Variants in KATNB1 observed in about 807,000 individuals in gnomAD.
KATNB1 encodes the protein katanin p80 WD40 repeat-containing subunit B1.
KATNB1 carries 38 observed loss-of-function variants against 82.3 expected under a neutral mutation model. The ratio of observed to expected loss-of-function variants is 0.46; its 90% CI spans 0.36 to 0.61. KATNB1 has a LOEUF of 0.61. Ranked by LOEUF, KATNB1 falls within the 20% of genes least tolerant of loss-of-function variation. The pLI, the probability that KATNB1 is intolerant of heterozygous loss-of-function variation, is 0.00. For missense variants in KATNB1, 749 were observed against 915.7 expected (o/e 0.82, Z 2.35); for synonymous variants, 361 against 368.7 (o/e 0.98, Z 0.24).
Position 57,751,341 on chromosome 16 carries a change from G to A in KATNB1, c.432+39G>A. 1 of 1,598,988 alleles carries A rather than the reference G, an allele frequency of 6.3e-7. No individual in the cohort carries two copies. On this transcript the variant is annotated intron_variant, in intron 6 of 19. Coordinates refer to ENST00000379661, the MANE Select transcript of KATNB1 (RefSeq NM_005886.3). The surrounding 1 kb of genome is among the most constrained non-coding windows in gnomAD (Gnocchi z 6.3). ...CTGTCGGTGACTCCATGAGCACCTTGCGGGCATTGAGTGTGGTGTGGTGCC... is the reference window on the plus strand; with the variant it reads ...CTGTCGGTGACTCCATGAGCACCTTACGGGCATTGAGTGTGGTGTGGTGCC...
intron 13 of KATNB1, 87 bp from the exon 14 acceptor site, chr16:57,754,843 G>A: frequency 7.3e-7 from 1 of 1,374,740 alleles, no homozygotes; most frequent in South Asian, 1.2e-5. Flanking sequence ...CCCCATTGCA[G>A]ATGCTGCCCA....
Position 57,756,860 on chromosome 16 carries a change from G to A in KATNB1, c.1882G>A (p.Gly628Ser), listed in dbSNP as rs781942358. The A allele has an allele frequency of 4.4e-5, 69 of 1,572,242 alleles. No homozygotes were observed. In the South Asian group the frequency reaches 5.1e-4, roughly 12 times the overall value. Reference sequence around the variant, plus strand: ...CTACAAGCAGCTTAAGAGCATCAGCGGCCTGGTCAAGAGCAAGTCAGGCCT... The same window carrying A: ...CTACAAGCAGCTTAAGAGCATCAGCAGCCTGGTCAAGAGCAAGTCAGGCCT... The part of the protein sequence containing the change: ...LCYKQLKSIS[G>S]LVKSKSGLSG... Residue 628 changes from glycine to serine, a missense_variant, in exon 20 of 20, where the codon GGC (glycine) becomes AGC (serine). Physicochemically the swap from Gly to Ser is moderately conservative, Grantham distance 56. Coordinates refer to ENST00000379661, the MANE Select transcript of KATNB1 (RefSeq NM_005886.3).
chr16:57,751,515 C>A lies in KATNB1; in HGVS notation c.433-126C>A. 1 of 1,040,346 alleles carries A rather than the reference C, an allele frequency of 9.6e-7. No homozygotes were observed. Among genetic ancestry groups the A allele is most frequent in the Non-Finnish European group, 1.5e-6 (1 of 679,326 alleles). 64.4% of individuals were successfully genotyped at this position (1,040,346 alleles called of 1,614,324 possible). ...CCCTAGAGCCACGTTCATCAAACTG[C>A]TCCAAGCAGAACCAGGCGGGTAACC... On this transcript the variant is annotated intron_variant, in intron 6 of 19. Transcript: ENST00000379661. This position sits in a 1 kb window ranked among gnomAD's most constrained non-coding sequence, Gnocchi z 6.3.
chr16:57,755,091 C>CGGCA lies in KATNB1; in HGVS notation c.1297-27_1297-24dup, dbSNP rs782629123. 12 of 1,612,948 alleles carry CGGCA rather than the reference C, an allele frequency of 7.4e-6. No individual in the cohort carries two copies. In the Admixed American group the frequency reaches 2.0e-4, roughly 27 times the overall value. Reference sequence around the variant, plus strand: ...GGAGGCAGAGAGGGAGGCCCCAGGCCGGCAACCGCTGAGTTTCACACTTTC... The same window carrying CGGCA: ...GGAGGCAGAGAGGGAGGCCCCAGGCCGGCAGGCAACCGCTGAGTTTCACACTTTC... On this transcript the variant is annotated intron_variant, in intron 14 of 19. Transcript: ENST00000379661.
chr16:57,736,857 G>T, intron 1 of KATNB1, 121 bp from the exon 2 acceptor site: 1 of 453,126 alleles, frequency 2.2e-6, no homozygotes, highest in Non-Finnish European at 4.4e-6. Flanking sequence ...TTGCAGTGCA[G>T]CTTCTGACTC....
At chr16:57,745,477 C>T (rs568398892) in intron 4 of KATNB1, among the ~76,000 whole-genome samples, 1 of 151,798 alleles carries the variant, frequency 6.6e-6, no homozygotes, top group East Asian at 1.9e-4. Context: ...GCAGGAGAAT[C>T]ACCTGAACCC....
At position 57,755,530 on chromosome 16, in the gene KATNB1, CCCCCTG is replaced by C. The variant is rs782096641; in HGVS notation, c.1566+45_1566+50del. ...ACCCTTGCACAGGGCCTCATCTCGCCCCCCTGCCCCTGCCACCTGCCTGCCCGGGCT... is the reference window on the plus strand; with the variant it reads ...ACCCTTGCACAGGGCCTCATCTCGCCCCCCTGCCACCTGCCTGCCCGGGCT... On this transcript the variant is annotated intron_variant, in intron 16 of 19. Transcript: ENST00000379661. The C allele has an allele frequency of 4.7e-5, 75 of 1,593,792 alleles. 1 individual carries two copies. The South Asian group carries it at 6.7e-4, about 14-fold the overall frequency.
intron 1 of KATNB1, 60 bp from the exon 2 acceptor site, chr16:57,736,918 G>T (rs898419934): frequency 1.7e-6 from 1 of 595,424 alleles, no homozygotes; most frequent in African/African-American, 1.8e-5. Context: ...GGTGATCCAG[G>T]GAGCAACAGC....
At chr16:57,738,460 TG>T (rs1299957905) in intron 2 of KATNB1, among the ~76,000 whole-genome samples, 1 of 152,028 alleles carries the variant, frequency 6.6e-6, no homozygotes, top group African/African-American at 2.4e-5. Context: ...TTCACCATGT[TG>T]GCCAGACTCG....
Position 57,751,696 on chromosome 16 carries a change from C to T in KATNB1, c.488C>T (p.Ala163Val), listed in dbSNP as rs782526194. Reference protein sequence around the residue: ...LRFSPDGKWLASAADDHTVKL... With the variant: ...LRFSPDGKWLVSAADDHTVKL... ...TTCAGCCCCGATGGGAAGTGGTTGGCGTCGGCCGCAGATGACCACACCGTG... is the reference window on the plus strand; with the variant it reads ...TTCAGCCCCGATGGGAAGTGGTTGGTGTCGGCCGCAGATGACCACACCGTG... Residue 163 changes from alanine (A) to valine (V), a missense_variant, in exon 7 of 20, where the codon GCG becomes GTG. Physicochemically the swap from Ala to Val is moderately conservative, Grantham distance 64. Around this residue, in one of 3 missense-constraint regions of KATNB1, gnomAD observed 247 missense variants for 349.4 expected, o/e 0.71. Coordinates refer to ENST00000379661, the MANE Select transcript of KATNB1 (RefSeq NM_005886.3). This position sits in a 1 kb window ranked among gnomAD's most constrained non-coding sequence, Gnocchi z 6.3. 3.7e-5 allele frequency: 60 copies of T among 1,610,698 alleles called. No individual in the cohort carries two copies. The highest frequency in any genetic ancestry group is 4.8e-5 in the Non-Finnish European group (57 of 1,180,002).
chr16:57,748,565 G>GCGT (rs2049200636), intron 4 of KATNB1, among the ~76,000 whole-genome samples: 2 of 152,064 alleles, frequency 1.3e-5, no homozygotes, highest in African/African-American at 4.8e-5. Context: ...GGCTGAGGAG[G>GCGT]TGCTCAGCTG....
chr16:57,754,432 G>A (rs2049258792), intron 13 of KATNB1, among the ~76,000 whole-genome samples: 1 of 152,202 alleles, frequency 6.6e-6, no homozygotes, highest in Non-Finnish European at 1.5e-5. Flanking sequence ...GAGGAGGTGA[G>A]CTGGGGCGAG....
chr16:57,756,331 T>C, intron 18 of KATNB1, 25 bp from the exon 19 acceptor site: 1 of 1,595,732 alleles, frequency 6.3e-7, no homozygotes, highest in South Asian at 1.1e-5. Context: ...GGTCCATCTG[T>C]GACTTCATCC....
Position 57,756,067 on chromosome 16 carries a change from G to A in KATNB1, c.1718+1G>A, listed in dbSNP as rs1555586153. ...AGCTTCTGCAGAGCAAGTATGAGAG[G>A]TGCGTGTGGGGAAGCCATGCCTGCC... On this transcript the variant is annotated splice_donor_variant, in intron 18 of 19. Coordinates refer to ENST00000379661, the MANE Select transcript of KATNB1 (RefSeq NM_005886.3). LOFTEE classifies it high-confidence loss of function. 6.2e-7 allele frequency: 1 copy of A among 1,605,340 alleles called. No individual in the cohort carries two copies. The highest frequency in any genetic ancestry group is 1.7e-5 in the Admixed American group (1 of 60,022).
intron 2 of KATNB1, among the ~76,000 whole-genome samples, chr16:57,739,858 T>G (rs552266149): frequency 1.3e-5 from 2 of 152,244 alleles, no homozygotes; most frequent in South Asian, 4.1e-4. Context: ...AATACTGATA[T>G]TATGAATGAA....
chr16:57,738,690 T>C (rs2049121359), intron 2 of KATNB1, among the ~76,000 whole-genome samples: 1 of 152,250 alleles, frequency 6.6e-6, no homozygotes, highest in Admixed American at 6.5e-5. Flanking sequence ...TCTAGGGCTC[T>C]GGGAGAACCC....
Position 57,738,471 on chromosome 16 carries a change from G to A in KATNB1, c.40+1188G>A, listed in dbSNP as rs772044339. 3.3e-5 allele frequency among the ~76,000 whole-genome samples: 5 copies of A among 152,020 alleles called. No homozygotes were observed. In the East Asian group the frequency reaches 5.8e-4, roughly 18 times the overall value. ...GGGTTTCACCATGTTGGCCAGACTC[G>A]TCTCGAACCCCTGACCTCAGGTGAT... is the stretch of plus-strand genomic sequence containing the variant. On this transcript the variant is annotated intron_variant, in intron 2 of 19. Coordinates refer to ENST00000379661, the MANE Select transcript of KATNB1 (RefSeq NM_005886.3).
At chr16:57,740,410 C>T (rs150425420) in intron 2 of KATNB1, among the ~76,000 whole-genome samples, 1 of 152,372 alleles carries the variant, frequency 6.6e-6, no homozygotes, top group Non-Finnish European at 1.5e-5. Flanking sequence ...AGTTTCCCAA[C>T]CTCCTTGTGG....
Position 57,737,651 on chromosome 16 carries a change from T to A in KATNB1, c.40+368T>A, listed in dbSNP as rs549186610. On this transcript the variant is annotated intron_variant, in intron 2 of 19. Coordinates refer to ENST00000379661, the MANE Select transcript of KATNB1 (RefSeq NM_005886.3). ...AAGATGTTCACAGCATTCTCAGACA[T>A]CTCACAAGTCAAACTTCCCCAGTCA... Among the ~76,000 whole-genome samples, 69 of 152,180 alleles carry A rather than the reference T, an allele frequency of 4.5e-4. 1 individual carries two copies. The South Asian group carries it at 0.012, about 27-fold the overall frequency.
Sources: allele counts gnomAD v4.1 joint callset (sites outside exome capture counted in the v4.1 genomes callset), GRCh38; gene constraint gnomAD v4.1.1; regional missense constraint gnomAD v4.1.1; non-coding constraint Gnocchi (gnomAD v3.1); transcripts MANE v1.5; gene names NCBI Gene and HGNC (gene_info 2026-07-23, HGNC 2026-07-21).